Variants in NEBL observed in about 807,000 individuals in gnomAD.
NEBL encodes the protein nebulette.
In NEBL, 122 loss-of-function variants were observed where a neutral mutation model predicts 140.2. That is an observed-to-expected ratio of 0.87 (90% CI 0.75 to 1.01). NEBL has a LOEUF of 1.01. Ranked by LOEUF, NEBL falls within the 50% of genes least tolerant of loss-of-function variation. The pLI is 0.00. For missense variants in NEBL, 1,365 were observed against 1,231.3 expected, an observed-to-expected ratio of 1.11 and a Z score of -1.62; for synonymous variants, 436 against 398.9, an observed-to-expected ratio of 1.09 and a Z score of -1.11.
intron 2 of NEBL, among the ~76,000 whole-genome samples, chr10:20,893,562 C>A (rs1004977429): frequency 2.6e-5 from 4 of 152,098 alleles, no homozygotes; most frequent in Non-Finnish European, 5.9e-5. Context: ...CAAAGTGAAG[C>A]CACTTGACCT....
intron 2 of NEBL, among the ~76,000 whole-genome samples, chr10:21,062,584 T>C (rs1835353764): frequency 6.6e-6 from 1 of 151,924 alleles, no homozygotes; most frequent in Non-Finnish European, 1.5e-5. Context: ...CTACACCAGA[T>C]GCTGAGACAG....
intron 3 of NEBL, among the ~76,000 whole-genome samples, chr10:21,006,031 T>A (rs1838124849): frequency 6.6e-6 from 1 of 152,298 alleles, no homozygotes; most frequent in African/African-American, 2.4e-5. Context: ...GGTTTGGTCA[T>A]CTCTACGCTT....
Position 20,889,828 on chromosome 10 carries a change from A to G in NEBL, c.258+17T>C. 6.6e-7 allele frequency: 1 copy of G among 1,506,308 alleles called. No homozygotes were observed. 93.3% of individuals were successfully genotyped at this position (1,506,308 alleles called of 1,614,324 possible). The stretch of plus-strand genomic sequence containing the variant: ...AAAGATAAATGCAAGCCAGTTTGCA[A>G]GCTTTTGATACCTTACCTCAGAAAT... On this transcript the variant is annotated intron_variant, in intron 3 of 27. Coordinates refer to ENST00000377122, the MANE Select transcript of NEBL (RefSeq NM_006393.3).
At chr10:21,231,239 G>C (rs1316283067) in intron 3 of NEBL, among the ~76,000 whole-genome samples, 1 of 152,134 alleles carries the variant, frequency 6.6e-6, no homozygotes, top group African/African-American at 2.4e-5. Flanking sequence ...GCAAACATGT[G>C]CTGTGAAGAA....
intron 3 of NEBL, among the ~76,000 whole-genome samples, chr10:20,988,589 A>G (rs892912969): frequency 6.6e-6 from 1 of 151,976 alleles, no homozygotes; most frequent in African/African-American, 2.4e-5. Context: ...TCTCTCCTCC[A>G]TCATCAAATT....
intron 1 of NEBL, among the ~76,000 whole-genome samples, chr10:21,287,131 C>T (rs1043976832): frequency 8.5e-5 from 13 of 152,116 alleles, no homozygotes; most frequent in Non-Finnish European, 1.2e-4. Context: ...AAGCAAGTAC[C>T]GGCATCCATC....
chr10:21,257,966 T>G (rs2132278035), intron 1 of NEBL, among the ~76,000 whole-genome samples: 1 of 152,146 alleles, frequency 6.6e-6, no homozygotes, highest in Non-Finnish European at 1.5e-5. Flanking sequence ...TATCTTTAAG[T>G]CTAGATTACA....
intron 3 of NEBL, among the ~76,000 whole-genome samples, chr10:21,239,430 G>T (rs1442913883): frequency 6.6e-6 from 1 of 152,062 alleles, no homozygotes; most frequent in Non-Finnish European, 1.5e-5. Flanking sequence ...ACCCTGAAAT[G>T]CTGTCCCACT....
rs376881743 is a variant in NEBL at position 21,119,210 on chromosome 10, T to A, written c.164+53173A>T. On this transcript the variant is annotated intron_variant, in intron 2 of 6. Transcript: ENST00000417816. Reference sequence around the variant, plus strand: ...TTCTCATGAACCTGAATTTAACAGCTCAACATTTTTCTCCACTACCTCATC... The same window carrying A: ...TTCTCATGAACCTGAATTTAACAGCACAACATTTTTCTCCACTACCTCATC... Among the ~76,000 whole-genome samples, 51 of 152,242 alleles carry A rather than the reference T, an allele frequency of 3.3e-4. No homozygotes were observed. The South Asian group carries it at 9.5e-3, about 28-fold the overall frequency.
Position 20,859,607 on chromosome 10 carries a change from T to C in NEBL, c.798+106A>G. 3 of 710,062 alleles carry C rather than the reference T, an allele frequency of 4.2e-6. No individual in the cohort carries two copies. The South Asian group carries it at 5.5e-5, about 13-fold the overall frequency. The allele number at this position is 710,062 out of a possible 1,614,324, so 44.0% of individuals were successfully genotyped here. A position where few individuals can be genotyped will look rare whatever the true frequency, so the allele number is the denominator to read the frequency against. On this transcript the variant is annotated intron_variant, in intron 8 of 27. Transcript: ENST00000377122. ...TTAGAAAAATATGCTTCAGTTCAAC[T>C]ACAAATTACTTGGAAGCTAAGTATC... is the stretch of plus-strand genomic sequence containing the variant.
intron 3 of NEBL, among the ~76,000 whole-genome samples, chr10:21,186,245 T>C (rs1589320449): frequency 6.8e-6 from 1 of 146,458 alleles, no homozygotes; most frequent in Non-Finnish European, 1.5e-5. Context: ...TTAAAAAATT[T>C]TTATATATAC....
chr10:21,210,648 A>G (rs1011348844), intron 3 of NEBL, among the ~76,000 whole-genome samples: 1 of 152,190 alleles, frequency 6.6e-6, no homozygotes, highest in Non-Finnish European at 1.5e-5. Context: ...TGTATCTTGT[A>G]AGGCCTGTAA....
chr10:20,996,386 G>A (rs1438193139), intron 3 of NEBL, among the ~76,000 whole-genome samples: 21 of 152,274 alleles, frequency 1.4e-4, no homozygotes, highest in Admixed American at 8.5e-4. Flanking sequence ...TATAGACAGC[G>A]AAGTGAAAAT....
chr10:21,137,775 CA>C (rs1181291545), intron 2 of NEBL, among the ~76,000 whole-genome samples: 2 of 151,236 alleles, frequency 1.3e-5, no homozygotes, highest in African/African-American at 2.4e-5. Context: ...GCCATCTCTA[CA>C]AAAAAAATAA....
chr10:21,247,862 A>G (rs1842537158), intron 3 of NEBL: 1 of 216,366 alleles, frequency 4.6e-6, no homozygotes, highest in Non-Finnish European at 1.0e-5. Context: ...TAATCTATAA[A>G]AAGTTAGAAG....
At chr10:20,796,519 T>C (rs1181268102) in intron 26 of NEBL, among the ~76,000 whole-genome samples, 1 of 152,058 alleles carries the variant, frequency 6.6e-6, no homozygotes. Context: ...AGAAAATCAG[T>C]ACATTTTGAT....
At chr10:20,907,901 T>C (rs918460049) in intron 4 of NEBL, among the ~76,000 whole-genome samples, 1 of 152,198 alleles carries the variant, frequency 6.6e-6, no homozygotes, top group Non-Finnish European at 1.5e-5. Flanking sequence ...AATCTAAAAA[T>C]ACTGTTGTGC....
intron 26 of NEBL, among the ~76,000 whole-genome samples, chr10:20,804,728 G>A (rs1223464994): frequency 6.6e-6 from 1 of 152,102 alleles, no homozygotes; most frequent in Non-Finnish European, 1.5e-5. Context: ...TGGTGAGAGT[G>A]GACAGATATA....
chr10:21,139,086 T>C (rs1839494083), intron 2 of NEBL, among the ~76,000 whole-genome samples: 1 of 152,166 alleles, frequency 6.6e-6, no homozygotes, highest in Non-Finnish European at 1.5e-5. Flanking sequence ...CGCTCAGTCA[T>C]CTCTAGTTAC....
Sources: gnomAD v4.1 joint callset for allele counts (sites outside exome capture counted in the v4.1 genomes callset) on GRCh38, gnomAD v4.1.1 for gene constraint, MANE v1.5 for transcripts, NCBI Gene and HGNC (gene_info 2026-07-23, HGNC 2026-07-21) for gene names.